ESYT3: variants seen among roughly 807,000 people sequenced by gnomAD.
ESYT3 encodes extended synaptotagmin 3.
A neutral mutation model predicts 111.5 loss-of-function variants in ESYT3; 101 were observed. The observed-to-expected ratio is 0.91, with a 90% CI of 0.77 to 1.07. ESYT3 has a LOEUF of 1.07. ESYT3 is among the 50% of genes least tolerant of loss of function. The pLI is 0.00. For synonymous variants in ESYT3, 416 were observed against 446.8 expected, an observed-to-expected ratio of 0.93 and a Z score of 0.87; for missense variants, 1,097 against 1,109.4, an observed-to-expected ratio of 0.99 and a Z score of 0.16.
chr3:138,461,634 C>T (rs960812003), intron 7 of ESYT3, among the ~76,000 whole-genome samples: 1 of 152,204 alleles, frequency 6.6e-6, no homozygotes, highest in Non-Finnish European at 1.5e-5. Flanking sequence ...CCATCCCTGT[C>T]CCCCGGTATC....
At chr3:138,466,159 C>T (rs2032916869) in intron 10 of ESYT3, among the ~76,000 whole-genome samples, 1 of 152,190 alleles carries the variant, frequency 6.6e-6, no homozygotes, top group African/African-American at 2.4e-5. Flanking sequence ...GAGTCATCAT[C>T]TGGGAGAGGA....
rs74865013 is a variant in ESYT3, at chr3:138,468,245, G to T, written c.1308+51G>T. 7.7e-4 allele frequency: 1,180 copies of T among 1,532,280 alleles called. 6 individuals carry two copies. The African/African-American group carries it at 0.015, about 19-fold the overall frequency. The allele number at this position is 1,532,280 out of a possible 1,614,324, so 94.9% of individuals were successfully genotyped here. On this transcript the variant is annotated intron_variant, in intron 12 of 22. Transcript: ENST00000389567. ...CTTGCAGAAAGGTGGAGGAGCACAC[G>T]TGCCAGGTGTGTGCAGGTGGAGGAA...
chr3:138,458,613 C>T (rs531728884), intron 4 of ESYT3, among the ~76,000 whole-genome samples: 79 of 152,366 alleles, frequency 5.2e-4, no homozygotes, highest in Admixed American at 9.1e-4. Context: ...CTGATCTTTA[C>T]CCTCAAGGGC....
At chr3:138,470,577 C>T in intron 16 of ESYT3, 1 of 1,180,568 alleles carries the variant, frequency 8.5e-7, no homozygotes, top group South Asian at 3.1e-5. Flanking sequence ...TCTTTTAGGG[C>T]CCTGAGCCCT....
intron 20 of ESYT3, 43 bp from the exon 21 acceptor site, chr3:138,476,180 T>A (rs1313038455): frequency 2.3e-6 from 3 of 1,286,486 alleles, no homozygotes; most frequent in South Asian, 1.2e-5. Context: ...TCAAGAAAAC[T>A]GAATGAAATG....
At chr3:138,457,181 T>C (rs1197325434) in intron 3 of ESYT3, among the ~76,000 whole-genome samples, 1 of 152,224 alleles carries the variant, frequency 6.6e-6, no homozygotes. Context: ...CCTGTGAGTA[T>C]TGCCAGCTTC....
At chr3:138,473,461 T>G in intron 18 of ESYT3, 75 bp from the exon 19 acceptor site, 1 of 1,312,208 alleles carries the variant, frequency 7.6e-7, no homozygotes, top group Middle Eastern at 1.8e-4. Context: ...CAGGAATGCT[T>G]CTTTGTCTTT....
At chr3:138,480,941 A>G (rs1368268034), downstream of ESYT3, 1 of 152,246 alleles carries the variant, frequency 6.6e-6, no homozygotes, top group African/African-American at 2.4e-5. Context: ...ACCCATTCAC[A>G]TATACTCAAT....
In ESYT3 at chr3:138,467,610, G is replaced by A. The variant is rs1390767856; in HGVS notation, c.1218+1G>A. On this transcript the variant is annotated splice_donor_variant, in intron 11 of 22. Coordinates refer to ENST00000389567, the MANE Select transcript of ESYT3 (RefSeq NM_031913.5). LOFTEE classifies it high-confidence loss of function. ...CATGACCAACAGAGTGGTGGATGAG[G>A]TACAGTTGGTGCTTGCAACCCTCGG... 3.1e-6 allele frequency: 5 copies of A among 1,614,042 alleles called. No homozygotes were observed. The highest frequency in any genetic ancestry group is 4.2e-6 in the Non-Finnish European group (5 of 1,179,958).
chr3:138,475,206 A>AGAG (rs1455341158), intron 20 of ESYT3, among the ~76,000 whole-genome samples: 1 of 152,200 alleles, frequency 6.6e-6, no homozygotes, highest in Non-Finnish European at 1.5e-5. Flanking sequence ...CACACAAGTA[A>AGAG]GAGATTTTGC....
At position 138,469,990 on chromosome 3, in the gene ESYT3, AGCAGAGGGTGC is replaced by A. The variant is rs1287646457; in HGVS notation, c.1504-69_1504-59del. 1.6e-4 allele frequency: 221 copies of A among 1,362,644 alleles called. No homozygotes were observed. The African/African-American group carries it at 3.0e-3, about 18-fold the overall frequency. 84.4% of individuals were successfully genotyped at this position (1,362,644 alleles called of 1,614,324 possible). On this transcript the variant is annotated intron_variant, in intron 15 of 22. Transcript: ENST00000389567. ...AATGGTACCTGGTGGCCAGAGTGAT[AGCAGAGGGTGC>A]CGGTATCCAGCTCTGCCCAACCTAA...
In ESYT3 at chr3:138,458,603, C is replaced by T. The variant is rs140402289; in HGVS notation, c.582-584C>T. ...TCCTTCAGTGCTTTCACAGGATCTG[C>T]TGATCTTTACCCTCAAGGGCACCCA... is the stretch of plus-strand genomic sequence containing the variant. On this transcript the variant is annotated intron_variant, in intron 4 of 22. Coordinates refer to ENST00000389567, the MANE Select transcript of ESYT3 (RefSeq NM_031913.5). Among the ~76,000 whole-genome samples, 873 of 152,370 alleles carry T rather than the reference C, an allele frequency of 5.7e-3. 9 individuals carry two copies. Among genetic ancestry groups the T allele is most frequent in the South Asian group, 0.016 (76 of 4,832 alleles).
chr3:138,475,108 G>A (rs2033421251), intron 20 of ESYT3, among the ~76,000 whole-genome samples: 1 of 152,138 alleles, frequency 6.6e-6, no homozygotes, highest in African/African-American at 2.4e-5. Context: ...GAGTTCATCA[G>A]TATCAAGAAA....
chr3:138,465,556 C>A, intron 10 of ESYT3, 135 bp downstream of exon 10: 1 of 657,502 alleles, frequency 1.5e-6, no homozygotes, highest in Non-Finnish European at 2.6e-6. Flanking sequence ...CTGTGCCAGG[C>A]AACCTGCCTC....
rs200614434 is a variant in ESYT3, at chr3:138,470,080, C to G, written c.1524C>G (p.Asp508Glu). 2 of 1,613,076 alleles carry G rather than the reference C, an allele frequency of 1.2e-6. No individual in the cohort carries two copies. The highest frequency in any genetic ancestry group is 8.5e-7 in the Non-Finnish European group (1 of 1,179,318). ...HTSKTCPHNK[D>E]PVWSQVFSFF... ...CCCAGACCTGTCCCCACAACAAGGA[C>G]CCTGTGTGGAGCCAGGTGTTCTCCT... The change falls in exon 16 of 23, where the codon GAC becomes GAG. Residue 508 changes from aspartate (D) to glutamate (E), a missense_variant. Asp to Glu is a conservative substitution (Grantham distance 45). Transcript: ENST00000389567.
At chr3:138,451,912 CCGA>C (rs1361083027) in intron 1 of ESYT3, 133 bp from the exon 2 acceptor site, 28 of 951,294 alleles carry the variant, frequency 2.9e-5, no homozygotes, top group Non-Finnish European at 4.3e-5. Context: ...GCACCTGTGA[CCGA>C]CGTGGAGGCG....
chr3:138,454,690 C>T (rs1041658889), intron 2 of ESYT3, among the ~76,000 whole-genome samples: 8 of 152,236 alleles, frequency 5.3e-5, no homozygotes, highest in Admixed American at 2.0e-4. Context: ...CCAGGTCCTG[C>T]ACTTCATTCC....
At chr3:138,476,410 T>C (rs766295960) in intron 21 of ESYT3, 33 bp from the exon 22 acceptor site, 1 of 1,611,528 alleles carries the variant, frequency 6.2e-7, no homozygotes, top group Non-Finnish European at 8.5e-7. Context: ...ATGCAGTGTT[T>C]TGGAGGGGAA....
At chr3:138,469,563 GGA>G (rs2033112888) in intron 15 of ESYT3, 59 bp downstream of exon 15, 2 of 1,453,008 alleles carry the variant, frequency 1.4e-6, no homozygotes, top group East Asian at 2.3e-5. Context: ...CCCTTCTCAG[GGA>G]GAGAGGCAAA....
Sources: allele counts gnomAD v4.1 joint callset (sites outside exome capture counted in the v4.1 genomes callset), GRCh38; gene constraint gnomAD v4.1.1; transcripts MANE v1.5; gene names NCBI Gene and HGNC (gene_info 2026-07-23, HGNC 2026-07-21).